Variants in GOSR2 observed in about 807,000 individuals in gnomAD.
The protein encoded by GOSR2 is 27 kDa Golgi SNARE protein.
Under a neutral mutation model 27.9 loss-of-function variants are expected in GOSR2, and 20 were observed. The observed-to-expected ratio is 0.72, with a 90% CI of 0.50 to 1.04. The LOEUF (loss-of-function observed/expected upper bound fraction) is 1.04. Ranked by LOEUF, GOSR2 falls within the 50% of genes least tolerant of loss-of-function variation. The probability of loss-of-function intolerance (pLI) is 0.00; values close to 1 mark genes in which losing one functional copy is unlikely to be tolerated. For missense variants in GOSR2, 261 were observed against 270.5 expected (o/e 0.97, Z 0.25); for synonymous variants, 91 against 98.8 (o/e 0.92, Z 0.47).
intron 3 of GOSR2, chr17:46,931,747 TATAATCC>T (rs1722411765): frequency 2.4e-6 from 1 of 416,914 alleles, no homozygotes; most frequent in Admixed American, 3.9e-5. Flanking sequence ...AGGAGAGCCA[TATAATCC>T]ATAGAAGGTC....
downstream of GOSR2, among the ~76,000 whole-genome samples, chr17:46,944,594 C>G (rs2089667088): frequency 6.8e-6 from 1 of 147,522 alleles, no homozygotes; most frequent in African/African-American, 2.5e-5. Context: ...GCCTGGGCTT[C>G]AGAATTTTTA....
chr17:46,942,007 C>A lies in GOSR2; in HGVS notation c.*3247C>A. The A allele has an allele frequency of 1.1e-6, 1 of 952,122 alleles. No individual in the cohort carries two copies. The allele number at this position is 952,122 out of a possible 1,614,324, so 59.0% of individuals were successfully genotyped here. On this transcript the variant is annotated 3_prime_UTR_variant, in exon 6 of 6. Coordinates refer to ENST00000640051, the MANE Select transcript of GOSR2 (RefSeq NM_004287.5). ...TTGTTAAGTCCAAAATAAATTCTTA[C>A]TGTTTATATCCTACCTTAGTCCAAA...
At chr17:46,943,241 CAGA>C (rs1156990522), downstream of GOSR2, among the ~76,000 whole-genome samples, 1 of 152,196 alleles carries the variant, frequency 6.6e-6, no homozygotes, top group East Asian at 1.9e-4. Context: ...CCCTCTGGAT[CAGA>C]AGGAGCCAGA....
chr17:46,975,151 ACAT>A (rs978869053), intron 6 of GOSR2: 2 of 152,064 alleles, frequency 1.3e-5, no homozygotes, highest in African/African-American at 4.8e-5. Flanking sequence ...TTCTTCAAAC[ACAT>A]CATGTCGTGA....
downstream of GOSR2, among the ~76,000 whole-genome samples, chr17:46,945,149 C>T (rs1227124103): frequency 1.3e-5 from 2 of 152,126 alleles, no homozygotes; most frequent in Admixed American, 6.5e-5. Context: ...TGGGAGCAGT[C>T]GAGGGGCAGG....
chr17:46,934,927 C>G, intron 4 of GOSR2, 102 bp from the exon 5 acceptor site: 1 of 1,021,172 alleles, frequency 9.8e-7, no homozygotes, highest in South Asian at 1.3e-5. Context: ...TCACCAGCCC[C>G]TCCGGCTGTT....
chr17:46,931,246 C>G (rs1277875618), intron 3 of GOSR2, 39 bp downstream of exon 3: 1 of 947,722 alleles, frequency 1.1e-6, no homozygotes, highest in African/African-American at 1.6e-5. Context: ...ATACTCCAGG[C>G]CCATCAAGAC....
Position 46,941,248 on chromosome 17 carries a change from C to T in GOSR2, c.*2488C>T. ...ATTTTTTAGACTTCACTGCGGAGTT[C>T]TGTACACCCTTTGCCCTGATGAATT... On this transcript the variant is annotated 3_prime_UTR_variant, in exon 6 of 6. Coordinates refer to ENST00000640051, the MANE Select transcript of GOSR2 (RefSeq NM_004287.5). The T allele has an allele frequency of 1.0e-6, 1 of 992,062 alleles. No individual in the cohort carries two copies. Among genetic ancestry groups the T allele is most frequent in the Non-Finnish European group, 1.2e-6 (1 of 833,146 alleles). 61.5% of individuals were successfully genotyped at this position (992,062 alleles called of 1,614,324 possible).
chr17:46,969,457 A>T (rs569285370), downstream of GOSR2, among the ~76,000 whole-genome samples: 1 of 152,256 alleles, frequency 6.6e-6, no homozygotes, highest in Admixed American at 6.5e-5. Flanking sequence ...CCTATGTCAC[A>T]GTGAGAGAGC....
intron 6 of GOSR2, among the ~76,000 whole-genome samples, chr17:46,950,061 G>A (rs1246533354): frequency 1.3e-5 from 2 of 152,260 alleles, no homozygotes; most frequent in Admixed American, 6.5e-5. Flanking sequence ...AGAGGCCGTG[G>A]GGCCTCCTGG....
chr17:46,936,183 G>T (rs2088309573), intron 5 of GOSR2: 1 of 985,420 alleles, frequency 1.0e-6, no homozygotes, highest in Non-Finnish European at 1.2e-6. Context: ...AGAGCCACCT[G>T]CAGTGACCTG....
intron 1 of GOSR2, 69 bp downstream of exon 1, chr17:46,923,290 T>A (rs2146694991): frequency 6.5e-7 from 1 of 1,549,090 alleles, no homozygotes; most frequent in South Asian, 1.2e-5. Flanking sequence ...CTTCTGGGGC[T>A]GAGGCCTCGG....
intron 1 of GOSR2, among the ~76,000 whole-genome samples, chr17:46,928,106 G>C (rs1362139607): frequency 6.6e-6 from 1 of 151,914 alleles, no homozygotes; most frequent in Non-Finnish European, 1.5e-5. Flanking sequence ...CAATATCCCA[G>C]ACTTACTTTC....
In GOSR2 at chr17:46,939,220, TAA is replaced by T. The variant is rs2088913054; in HGVS notation, c.*462_*463del. 1 of 1,070,848 alleles carries T rather than the reference TAA, an allele frequency of 9.3e-7. No homozygotes were observed. Among genetic ancestry groups the T allele is most frequent in the Admixed American group, 4.6e-5 (1 of 21,692 alleles). The allele number at this position is 1,070,848 out of a possible 1,614,324, so 66.3% of individuals were successfully genotyped here. On this transcript the variant is annotated 3_prime_UTR_variant, in exon 6 of 6. Transcript: ENST00000640051. ...AGGCCTTTTCTCACAGCCATTATATTAAATAGTAGGTCGATTCACATCCTCGT... is the reference window on the plus strand; with the variant it reads ...AGGCCTTTTCTCACAGCCATTATATTATAGTAGGTCGATTCACATCCTCGT...
chr17:46,924,787 A>T (rs2086240985), intron 1 of GOSR2, among the ~76,000 whole-genome samples: 1 of 152,248 alleles, frequency 6.6e-6, no homozygotes, highest in Non-Finnish European at 1.5e-5. Context: ...TTAGAGAAAG[A>T]ATGAAACGAA....
intron 6 of GOSR2, among the ~76,000 whole-genome samples, chr17:46,959,473 T>G (rs778277685): frequency 6.6e-6 from 1 of 152,202 alleles, no homozygotes; most frequent in Non-Finnish European, 1.5e-5. Context: ...CATCTTTCTT[T>G]TTGGAACTAA....
At chr17:46,944,290 AAG>A (rs2089634500), downstream of GOSR2, among the ~76,000 whole-genome samples, 1 of 152,344 alleles carries the variant, frequency 6.6e-6, no homozygotes, top group African/African-American at 2.4e-5. Context: ...AGGCTGTGGT[AAG>A]AGCGCTGAGC....
At chr17:46,962,589 G>C (rs982299733) in intron 6 of GOSR2, among the ~76,000 whole-genome samples, 4 of 152,190 alleles carry the variant, frequency 2.6e-5, no homozygotes, top group African/African-American at 9.7e-5. Flanking sequence ...CTGCTGTCTA[G>C]ACTGTGTGGA....
chr17:46,923,169 G>A lies in GOSR2; in HGVS notation c.-24G>A, dbSNP rs1431192015. On this transcript the variant is annotated 5_prime_UTR_variant, in exon 1 of 6. Transcript: ENST00000640051. ...GTGTTCCGAGGAAGCCAGAGCCGGA[G>A]CCGTGGCCTGCGGGGCCGGCGACAT... The A allele has an allele frequency of 2.0e-6, 3 of 1,482,676 alleles. No individual in the cohort carries two copies. The highest frequency in any genetic ancestry group is 2.8e-6 in the Non-Finnish European group (3 of 1,084,370). The allele number at this position is 1,482,676 out of a possible 1,614,324, so 91.8% of individuals were successfully genotyped here. A position where few individuals can be genotyped will look rare whatever the true frequency, so the allele number is the denominator to read the frequency against.
Sources: gnomAD v4.1 joint callset for allele counts (sites outside exome capture counted in the v4.1 genomes callset) on GRCh38, gnomAD v4.1.1 for gene constraint, MANE v1.5 for transcripts, NCBI Gene and HGNC (gene_info 2026-07-23, HGNC 2026-07-21) for gene names.